MYH11: variants seen among roughly 807,000 people sequenced by gnomAD.
MYH11 encodes the protein myosin-11.
A neutral mutation model predicts 246.6 loss-of-function variants in MYH11; 80 were observed. That is an observed-to-expected ratio of 0.32 (90% CI 0.27 to 0.39). MYH11 has a LOEUF of 0.39. Ranked by LOEUF, MYH11 falls within the 10% of genes least tolerant of loss-of-function variation. MYH11 has a pLI of 1.00. For synonymous variants in MYH11, 1,071 were observed against 1,015.5 expected, an observed-to-expected ratio of 1.05 and a Z score of -1.04; for missense variants, 2,158 against 2,546.8, an observed-to-expected ratio of 0.85 and a Z score of 3.29.
At chr16:15,769,700 T>C (rs1406036643) in intron 9 of MYH11, among the ~76,000 whole-genome samples, 1 of 152,266 alleles carries the variant, frequency 6.6e-6, no homozygotes, top group Non-Finnish European at 1.5e-5. Context: ...GTGCTGGAAT[T>C]ACAGGCGTGA....
intron 2 of MYH11, among the ~76,000 whole-genome samples, chr16:15,834,541 G>GAAGA (rs961273533): frequency 2.1e-5 from 3 of 140,382 alleles, no homozygotes; most frequent in Non-Finnish European, 4.5e-5. Context: ...AAAAAAAAAA[G>GAAGA]AAGAAAGAAA....
At chr16:15,855,920 C>T (rs1596967430) in intron 1 of MYH11, among the ~76,000 whole-genome samples, 1 of 152,208 alleles carries the variant, frequency 6.6e-6, no homozygotes, top group East Asian at 1.9e-4. Flanking sequence ...ACACTCCCAC[C>T]TTGGGTTTCT....
intron 40 of MYH11, among the ~76,000 whole-genome samples, chr16:15,710,203 C>T (rs2039701355): frequency 6.6e-6 from 1 of 152,190 alleles, no homozygotes; most frequent in Non-Finnish European, 1.5e-5. Context: ...GCAGAACCCA[C>T]AGGAGGTGTC....
At chr16:15,751,118 GTATTATTATTATTATTAT>G (rs56124315) in intron 15 of MYH11, among the ~76,000 whole-genome samples, 27 of 143,314 alleles carry the variant, frequency 1.9e-4, no homozygotes, top group African/African-American at 6.6e-4. Flanking sequence ...CAAAAAGTAG[GTATTATTATTATTATTAT>G]TATTATTATT....
intron 37 of MYH11, chr16:15,718,086 G>T: frequency 1.5e-6 from 1 of 658,820 alleles, no homozygotes; most frequent in Non-Finnish European, 2.5e-6. Context: ...AGCCAGCCAC[G>T]CCGTGGCTGG....
intron 27 of MYH11, among the ~76,000 whole-genome samples, chr16:15,729,222 G>A (rs989685973): frequency 4.6e-5 from 7 of 152,030 alleles, no homozygotes; most frequent in Non-Finnish European, 1.0e-4. Context: ...GGGCCAAACC[G>A]CACGAGGGCC....
intron 33 of MYH11, 56 bp from the exon 34 acceptor site, chr16:15,720,368 C>T: frequency 1.3e-6 from 2 of 1,573,556 alleles, no homozygotes; most frequent in Non-Finnish European, 1.7e-6. Flanking sequence ...GGTCCTTTGG[C>T]TCACCTAGGC....
intron 4 of MYH11, chr16:15,792,716 A>G (rs1237541849): frequency 6.6e-6 from 1 of 151,940 alleles, no homozygotes; most frequent in Non-Finnish European, 1.5e-5. Flanking sequence ...CATCCATTTC[A>G]TTTATTTATT....
chr16:15,803,754 C>T (rs1240454992), intron 3 of MYH11, among the ~76,000 whole-genome samples: 1 of 152,136 alleles, frequency 6.6e-6, no homozygotes, highest in African/African-American at 2.4e-5. Flanking sequence ...ATCCTAGGCC[C>T]AGAGCAGGAG....
intron 19 of MYH11, among the ~76,000 whole-genome samples, chr16:15,746,123 G>A (rs1215674034): frequency 2.7e-5 from 4 of 147,036 alleles, no homozygotes; most frequent in Non-Finnish European, 6.0e-5. Flanking sequence ...TAGGGGTCTC[G>A]CCATGTTGCC....
intron 1 of MYH11, among the ~76,000 whole-genome samples, chr16:15,842,921 T>A (rs1209050321): frequency 6.6e-6 from 1 of 152,112 alleles, no homozygotes; most frequent in African/African-American, 2.4e-5. Context: ...ATTTTAAAAT[T>A]GTTATTGAAT....
chr16:15,703,165 T>C lies in MYH11; in HGVS notation c.*826A>G. 1 of 192,716 alleles carries C rather than the reference T, an allele frequency of 5.2e-6. No homozygotes were observed. Among genetic ancestry groups the C allele is most frequent in the African/African-American group, 2.3e-5 (1 of 43,172 alleles). The allele number at this position is 192,716 out of a possible 1,614,324, so 11.9% of individuals were successfully genotyped here. The stretch of plus-strand genomic sequence containing the variant: ...ATTTATAACCATTTATTAGTGAAAG[T>C]GTTTTTAAGCACAGTCAGGGTGTAA... On this transcript the variant is annotated 3_prime_UTR_variant, in exon 41 of 41. Coordinates refer to ENST00000300036, the MANE Select transcript of MYH11 (RefSeq NM_002474.3).
intron 14 of MYH11, 126 bp downstream of exon 14, chr16:15,756,215 G>A (rs555029085): frequency 4.8e-6 from 5 of 1,050,968 alleles, no homozygotes; most frequent in South Asian, 2.7e-5. Context: ...GTTGGGATTC[G>A]CTTAGCAGCA....
At chr16:15,769,818 A>G (rs1303548382) in intron 9 of MYH11, among the ~76,000 whole-genome samples, 1 of 151,976 alleles carries the variant, frequency 6.6e-6, no homozygotes, top group South Asian at 2.1e-4. Flanking sequence ...AGTTTGTTCC[A>G]GTTTTTTTCT....
intron 1 of MYH11, among the ~76,000 whole-genome samples, chr16:15,855,668 T>C (rs1288414542): frequency 6.6e-6 from 1 of 152,210 alleles, no homozygotes; most frequent in Non-Finnish European, 1.5e-5. Flanking sequence ...GGTAGCTATC[T>C]CAAAGGGAAA....
chr16:15,795,424 C>G (rs972473119), intron 4 of MYH11, among the ~76,000 whole-genome samples: 1 of 152,082 alleles, frequency 6.6e-6, no homozygotes, highest in East Asian at 1.9e-4. Flanking sequence ...CCAGCCTGAC[C>G]AACATGACAA....
chr16:15,756,923 C>T (rs1193212406), intron 13 of MYH11, among the ~76,000 whole-genome samples: 1 of 151,340 alleles, frequency 6.6e-6, no homozygotes, highest in Non-Finnish European at 1.5e-5. Flanking sequence ...CTCAGCCTCC[C>T]GAGTAGCTGG....
rs529160533 is a variant in MYH11, at chr16:15,786,993, C to T, written c.531-261G>A. 3.3e-5 allele frequency among the ~76,000 whole-genome samples: 5 copies of T among 152,208 alleles called. No homozygotes were observed. In the South Asian group the frequency reaches 8.3e-4, roughly 25 times the overall value. ...AGATACAAAGAGTGAAAAGGTGGGC[C>T]GGATGTGGTGGCTCATGCCTGTGAT... On this transcript the variant is annotated intron_variant, in intron 4 of 40. Coordinates refer to ENST00000300036, the MANE Select transcript of MYH11 (RefSeq NM_002474.3).
intron 27 of MYH11, among the ~76,000 whole-genome samples, chr16:15,731,543 G>A (rs2040961758): frequency 6.6e-6 from 1 of 151,432 alleles, no homozygotes; most frequent in African/African-American, 2.4e-5. Context: ...CCAGACTGGA[G>A]TGCAGTAGCA....
Sources: allele counts gnomAD v4.1 joint callset (sites outside exome capture counted in the v4.1 genomes callset), GRCh38; gene constraint gnomAD v4.1.1; transcripts MANE v1.5; gene names NCBI Gene and HGNC (gene_info 2026-07-23, HGNC 2026-07-21).